Variants in ANAPC1 observed in about 807,000 individuals in gnomAD.
ANAPC1 encodes anaphase-promoting complex subunit 1.
Under a neutral mutation model 208.0 loss-of-function variants are expected in ANAPC1, and 36 were observed. That is an observed-to-expected ratio of 0.17 (90% CI 0.13 to 0.23). The LOEUF (loss-of-function observed/expected upper bound fraction) is 0.23, where lower values mean the gene tolerates loss of function less well. Among genes scored for constraint, ANAPC1 ranks in the 10% least tolerant of loss-of-function variants. ANAPC1 has a pLI of 1.00. For missense variants in ANAPC1, 942 were observed against 2,011.6 expected (o/e 0.47, Z 10.17); for synonymous variants, 378 against 695.2 (o/e 0.54, Z 7.18).
chr2:111,869,965 C>G (rs1340584459), intron 6 of ANAPC1, among the ~76,000 whole-genome samples: 1 of 152,174 alleles, frequency 6.6e-6, no homozygotes, highest in Non-Finnish European at 1.5e-5. Flanking sequence ...TGAGAACATG[C>G]AGTATTTGGT....
chr2:111,873,234 A>C, intron 5 of ANAPC1, 74 bp downstream of exon 5: 2 of 1,348,124 alleles, frequency 1.5e-6, no homozygotes, highest in South Asian at 1.6e-5. Flanking sequence ...GAGACATAAG[A>C]CATGCCTCTA....
At chr2:111,826,519 C>A (rs1445707478) in intron 21 of ANAPC1, among the ~76,000 whole-genome samples, 1 of 152,148 alleles carries the variant, frequency 6.6e-6, no homozygotes, top group African/African-American at 2.4e-5. Context: ...TCACGTCTCT[C>A]CAAGGATCAC....
chr2:111,777,098 G>C, intron 45 of ANAPC1, 41 bp from the exon 46 acceptor site: 1 of 484,636 alleles, frequency 2.1e-6, no homozygotes, highest in Non-Finnish European at 3.8e-6. Context: ...TAATCAAAGA[G>C]TGCTCTGTCT....
Position 111,847,595 on chromosome 2 carries a change from A to G in ANAPC1, c.1791+130T>C, listed in dbSNP as rs190768624. 1,264 of 1,296,084 alleles carry G rather than the reference A, an allele frequency of 9.8e-4. 10 individuals carry two copies. In the African/African-American group the frequency reaches 0.018, roughly 18 times the overall value. 80.3% of individuals were successfully genotyped at this position (1,296,084 alleles called of 1,614,324 possible). A position where few individuals can be genotyped will look rare whatever the true frequency, so the allele number is the denominator to read the frequency against. ...TATAGTAAAAAGTAAAATCGTGCCA[A>G]AAAATGACACAATAGATTTTTTTAA... On this transcript the variant is annotated intron_variant, in intron 15 of 47. Coordinates refer to ENST00000341068, the MANE Select transcript of ANAPC1 (RefSeq NM_022662.4).
chr2:111,838,087 A>AAAAAAAAAAAAAAG (rs1680570185), intron 18 of ANAPC1, among the ~76,000 whole-genome samples: 1 of 149,520 alleles, frequency 6.7e-6, no homozygotes, highest in African/African-American at 2.4e-5. Context: ...CTCCGTCTCA[A>AAAAAAAAAAAAAAG]AAAAAAAAAG....
intron 13 of ANAPC1, among the ~76,000 whole-genome samples, chr2:111,855,165 G>C (rs1186679773): frequency 1.3e-5 from 2 of 152,108 alleles, no homozygotes; most frequent in African/African-American, 4.8e-5. Context: ...GACAGGAAAG[G>C]GGTCAAATGA....
chr2:111,878,673 A>G lies in ANAPC1; in HGVS notation c.375+137T>C, dbSNP rs17017206. ...TTTCCTGCCATTATCTTCACATTAT[A>G]TTATGTCATGTTACAACGTACACCC... On this transcript the variant is annotated intron_variant, in intron 3 of 47. Coordinates refer to ENST00000341068, the MANE Select transcript of ANAPC1 (RefSeq NM_022662.4). 3,692 of 1,315,796 alleles carry G rather than the reference A, an allele frequency of 2.8e-3. 66 individuals are homozygous for G. The African/African-American group carries it at 0.049, about 18-fold the overall frequency. The allele number at this position is 1,315,796 out of a possible 1,614,324, so 81.5% of individuals were successfully genotyped here. A position where few individuals can be genotyped will look rare whatever the true frequency, so the allele number is the denominator to read the frequency against.
At chr2:111,845,339 T>C (rs1426498923) in intron 16 of ANAPC1, among the ~76,000 whole-genome samples, 2 of 152,214 alleles carry the variant, frequency 1.3e-5, no homozygotes, top group African/African-American at 4.8e-5. Context: ...TCCACTGTCA[T>C]GCCACTGGGC....
At chr2:111,863,247 G>A (rs1408662606) in intron 9 of ANAPC1, among the ~76,000 whole-genome samples, 11 of 152,018 alleles carry the variant, frequency 7.2e-5, no homozygotes, top group African/African-American at 2.2e-4. Context: ...GGTGGCTCAC[G>A]CCTGTAATCC....
chr2:111,825,653 A>C, intron 22 of ANAPC1, 124 bp downstream of exon 22: 1 of 895,774 alleles, frequency 1.1e-6, no homozygotes, highest in South Asian at 1.8e-5. Flanking sequence ...GCAACAGACC[A>C]GAACAGTACT....
chr2:111,794,203 A>T (rs1422915471), intron 36 of ANAPC1, 30 bp downstream of exon 36: 1 of 1,570,720 alleles, frequency 6.4e-7, no homozygotes. Context: ...AACAAAAAAA[A>T]AGAACACAGT....
chr2:111,853,785 C>T (rs1025693578), intron 13 of ANAPC1, among the ~76,000 whole-genome samples: 1 of 151,928 alleles, frequency 6.6e-6, no homozygotes, highest in Non-Finnish European at 1.5e-5. Flanking sequence ...GGCGTAATCT[C>T]GGCTCACTGC....
chr2:111,869,035 G>A lies in ANAPC1; in HGVS notation c.612-939C>T, dbSNP rs76645332. ...TCATAGGGGGCAAGATAAACACGCC[G>A]CTAGTAAACATCTGCCATTTATTGC... On this transcript the variant is annotated intron_variant, in intron 6 of 47. Coordinates refer to ENST00000341068, the MANE Select transcript of ANAPC1 (RefSeq NM_022662.4). 2.1e-3 allele frequency among the ~76,000 whole-genome samples: 317 copies of A among 152,216 alleles called. 2 individuals carry two copies. Among genetic ancestry groups the A allele is most frequent in the Admixed American group, 3.9e-3 (59 of 15,286 alleles).
intron 38 of ANAPC1, among the ~76,000 whole-genome samples, chr2:111,789,018 G>C (rs985214786): frequency 6.6e-6 from 1 of 152,246 alleles, no homozygotes; most frequent in Non-Finnish European, 1.5e-5. Context: ...GGCGCCTATA[G>C]TCCCAGCTAC....
intron 10 of ANAPC1, among the ~76,000 whole-genome samples, chr2:111,862,057 C>A (rs2104556850): frequency 7.0e-6 from 1 of 143,204 alleles, no homozygotes; most frequent in East Asian, 2.1e-4. Flanking sequence ...GTATGCACCA[C>A]CACACCCAGT....
chr2:111,809,817 ACT>A (rs1446067910), intron 28 of ANAPC1, among the ~76,000 whole-genome samples: 1 of 148,056 alleles, frequency 6.8e-6, no homozygotes, highest in African/African-American at 2.5e-5. Flanking sequence ...AGAGATTGGA[ACT>A]CTCATGTATT....
intron 13 of ANAPC1, among the ~76,000 whole-genome samples, chr2:111,852,371 A>G (rs1169816553): frequency 6.6e-6 from 1 of 151,774 alleles, no homozygotes; most frequent in Non-Finnish European, 1.5e-5. Context: ...CACAGACAAA[A>G]CACGCCCTAA....
intron 5 of ANAPC1, 195 bp from the exon 6 acceptor site, chr2:111,872,907 A>G (rs1682830311): frequency 3.5e-6 from 2 of 572,230 alleles, no homozygotes; most frequent in Admixed American, 6.7e-5. Flanking sequence ...AATCTAATAA[A>G]GAGGAGTTGT....
chr2:111,850,827 A>C lies in ANAPC1; in HGVS notation c.1599T>G (p.Asp533Glu), dbSNP rs763490262. The C allele has an allele frequency of 6.2e-7, 1 of 1,611,980 alleles. No individual in the cohort carries two copies. The highest frequency in any genetic ancestry group is 8.5e-7 in the Non-Finnish European group (1 of 1,179,866). The change falls in exon 14 of 48, where the codon GAT becomes GAG. Residue 533 changes from aspartate (D) to glutamate (E), a missense_variant. Asp to Glu is a conservative substitution (Grantham distance 45). Transcript: ENST00000341068. ...TAAGAGGCTTTGGAGTACTAACGCC[A>C]TCTAGTGGAGTACTGGGCCGAGGCA... ...NTMPRPSTPL[D>E]GVSTPKPLSK...
Sources: allele counts gnomAD v4.1 joint callset (sites outside exome capture counted in the v4.1 genomes callset), GRCh38; gene constraint gnomAD v4.1.1; transcripts MANE v1.5; gene names NCBI Gene and HGNC (gene_info 2026-07-23, HGNC 2026-07-21).